MAST4: variants seen among roughly 807,000 people sequenced by gnomAD.
MAST4 encodes microtubule associated serine/threonine kinase family member 4.
MAST4 carries 89 observed loss-of-function variants against 162.7 expected under a neutral mutation model. The observed-to-expected ratio is 0.55, with a 90% CI of 0.46 to 0.65. MAST4 has a LOEUF of 0.65. MAST4 is among the 30% of genes least tolerant of loss of function. The pLI is 0.00. For synonymous variants in MAST4, 1,479 were observed against 1,361.1 expected, an observed-to-expected ratio of 1.09 and a Z score of -1.91; for missense variants, 3,153 against 3,374.0, an observed-to-expected ratio of 0.93 and a Z score of 1.62.
chr5:66,919,566 C>T (rs1764346565), intron 4 of MAST4, among the ~76,000 whole-genome samples: 1 of 148,784 alleles, frequency 6.7e-6, no homozygotes, highest in Non-Finnish European at 1.5e-5. Context: ...GAGGCTGAGG[C>T]AGGAGAATCG....
intron 1 of MAST4, among the ~76,000 whole-genome samples, chr5:66,659,341 G>A (rs752843960): frequency 6.6e-6 from 1 of 152,220 alleles, no homozygotes; most frequent in East Asian, 1.9e-4. Flanking sequence ...GGACTTGAAC[G>A]TGGTTCATCT....
intron 4 of MAST4, among the ~76,000 whole-genome samples, chr5:66,944,264 A>G (rs1246943516): frequency 1.3e-5 from 2 of 152,174 alleles, no homozygotes; most frequent in Non-Finnish European, 2.9e-5. Flanking sequence ...TATGATAAAC[A>G]AACGGGTTTG....
intron 3 of MAST4, among the ~76,000 whole-genome samples, chr5:66,837,888 ATATATATTTTTTTT>A (rs1296727908): frequency 1.3e-3 from 47 of 34,928 alleles, no homozygotes; most frequent in Middle Eastern, 0.012. Flanking sequence ...ATATATATAT[ATATATATTTTTTTT>A]TTTTTTTTTT....
intron 14 of MAST4, among the ~76,000 whole-genome samples, chr5:67,129,818 C>G (rs1057237618): frequency 1.3e-5 from 2 of 151,952 alleles, no homozygotes; most frequent in Non-Finnish European, 2.9e-5. Flanking sequence ...TAGAAAGGAT[C>G]TAGCTTGTTA....
chr5:67,098,625 A>G (rs79958514), intron 7 of MAST4, among the ~76,000 whole-genome samples: 2,188 of 152,282 alleles, frequency 0.014, 47 homozygotes, highest in African/African-American at 0.047. Context: ...GAGAGACTAA[A>G]TGCTTACTGA....
At chr5:66,671,058 G>A in intron 1 of MAST4, among the ~76,000 whole-genome samples, 1 of 152,108 alleles carries the variant, frequency 6.6e-6, no homozygotes, top group East Asian at 1.9e-4. Context: ...CTGTGATTGT[G>A]TGTGTGTGCC....
At chr5:66,911,418 C>G (rs1662685674) in intron 4 of MAST4, among the ~76,000 whole-genome samples, 1 of 152,002 alleles carries the variant, frequency 6.6e-6, no homozygotes, top group African/African-American at 2.4e-5. Context: ...ATAATAAGTT[C>G]AGGCTGGATG....
Position 66,655,454 on chromosome 5 carries a change from A to C in MAST4, c.363+58436A>C, listed in dbSNP as rs148033929. ...TAGAAACTGAAAGTTATTAGGAAGA[A>C]CAGTAATCTGGATGTTGAGATTTCA... On this transcript the variant is annotated intron_variant, in intron 1 of 28. Coordinates refer to ENST00000403625, the MANE Select transcript of MAST4 (RefSeq NM_001164664.2). 6.2e-3 allele frequency among the ~76,000 whole-genome samples: 949 copies of C among 152,340 alleles called. 1 individual carries two copies. Among genetic ancestry groups the C allele is most frequent in the South Asian group, 0.014 (67 of 4,830 alleles).
intron 1 of MAST4, chr5:66,662,270 A>G (rs186854962): frequency 6.6e-6 from 1 of 152,190 alleles, no homozygotes; most frequent in African/African-American, 2.4e-5. Flanking sequence ...TTGCCCTTCC[A>G]TTTTGCTTTC....
At chr5:66,961,635 G>GT (rs1241779634) in intron 4 of MAST4, among the ~76,000 whole-genome samples, 13 of 152,032 alleles carry the variant, frequency 8.6e-5, no homozygotes, top group African/African-American at 3.1e-4. Flanking sequence ...AGATTTTTTT[G>GT]TTTTTTCTTT....
chr5:67,009,175 G>T (rs114667384), intron 4 of MAST4, among the ~76,000 whole-genome samples: 3 of 143,084 alleles, frequency 2.1e-5, no homozygotes, highest in African/African-American at 7.4e-5. Flanking sequence ...GTATTTACAA[G>T]GTACATATAA....
chr5:66,839,572 C>G (rs188220580), intron 3 of MAST4, among the ~76,000 whole-genome samples: 12 of 152,120 alleles, frequency 7.9e-5, no homozygotes, highest in Admixed American at 3.3e-4. Flanking sequence ...ATATGTCCAG[C>G]TTTGAAGATG....
chr5:66,908,073 A>G (rs1763505441), intron 4 of MAST4, among the ~76,000 whole-genome samples: 2 of 152,334 alleles, frequency 1.3e-5, no homozygotes, highest in African/African-American at 4.8e-5. Context: ...ATTAGCATTT[A>G]AAGTGGCATG....
chr5:66,788,607 C>CCAACAAAAAAAAAAAAAA, intron 2 of MAST4, 63 bp from the exon 3 acceptor site: 6 of 1,373,722 alleles, frequency 4.4e-6, no homozygotes, highest in Non-Finnish European at 6.1e-6. Flanking sequence ...CCCCCACCCC[C>CCAACAAAAAAAAAAAAAA]ATTGCAATAA....
At chr5:66,910,329 G>A (rs1480504853) in intron 4 of MAST4, among the ~76,000 whole-genome samples, 2 of 152,166 alleles carry the variant, frequency 1.3e-5, no homozygotes, top group African/African-American at 4.8e-5. Flanking sequence ...CTGGTGTGGT[G>A]TAATGGTCCC....
intron 7 of MAST4, among the ~76,000 whole-genome samples, chr5:67,096,808 G>A (rs1244674704): frequency 1.3e-5 from 2 of 151,922 alleles, no homozygotes; most frequent in East Asian, 1.9e-4. Context: ...ATTCCATTTT[G>A]TTGTGATATA....
intron 1 of MAST4, among the ~76,000 whole-genome samples, chr5:66,737,095 AG>A (rs1044967082): frequency 1.3e-4 from 20 of 152,224 alleles, no homozygotes; most frequent in African/African-American, 4.1e-4. Context: ...GCTTAAAAAA[AG>A]TTTTATCCCA....
Position 67,102,371 on chromosome 5 carries a change from A to G in MAST4, c.1071-165A>G, listed in dbSNP as rs928466325. On this transcript the variant is annotated intron_variant, in intron 8 of 28. Transcript: ENST00000403625. ...AGTATCTTTGTGTTTATGGGAATGT[A>G]TGTGTGCATGTGTACTAATGACTGA... is the stretch of plus-strand genomic sequence containing the variant. The G allele has an allele frequency of 7.2e-6, 5 of 693,224 alleles. No individual in the cohort carries two copies. In the East Asian group the frequency reaches 1.1e-4, roughly 15 times the overall value. 42.9% of individuals were successfully genotyped at this position (693,224 alleles called of 1,614,324 possible). A position where few individuals can be genotyped will look rare whatever the true frequency, so the allele number is the denominator to read the frequency against.
At chr5:66,950,549 T>C (rs1744558856) in intron 4 of MAST4, among the ~76,000 whole-genome samples, 1 of 152,322 alleles carries the variant, frequency 6.6e-6, no homozygotes, top group East Asian at 1.9e-4. Flanking sequence ...TTTGTCCTTT[T>C]GTGTCTGGCT....
Sources: allele counts gnomAD v4.1 joint callset (sites outside exome capture counted in the v4.1 genomes callset), GRCh38; gene constraint gnomAD v4.1.1; transcripts MANE v1.5; gene names NCBI Gene and HGNC (gene_info 2026-07-23, HGNC 2026-07-21).